P3H2: variants seen among roughly 807,000 people sequenced by gnomAD.
The protein encoded by P3H2 is prolyl 3-hydroxylase 2.
In P3H2, 80 loss-of-function variants were observed where a neutral mutation model predicts 87.0. The observed-to-expected ratio is 0.92, with a 90% CI of 0.77 to 1.11. The LOEUF (loss-of-function observed/expected upper bound fraction) is 1.11. P3H2 is among the 50% of genes least tolerant of loss of function. P3H2 has a pLI of 0.00. For synonymous variants in P3H2, 367 were observed against 359.3 expected (o/e 1.02, Z -0.24); for missense variants, 1,001 against 923.9 (o/e 1.08, Z -1.08).
intron 1 of P3H2, among the ~76,000 whole-genome samples, chr3:190,024,530 CAAAAAAAAAAAAA>C (rs71635314): frequency 7.6e-5 from 4 of 52,946 alleles, no homozygotes; most frequent in Admixed American, 2.5e-4. Flanking sequence ...GGTTCCCTCT[CAAAAAAAAAAAAA>C]AAAAAAAAAA....
chr3:190,070,098 A>G (rs1236885862), intron 1 of P3H2, among the ~76,000 whole-genome samples: 1 of 152,162 alleles, frequency 6.6e-6, no homozygotes, highest in East Asian at 1.9e-4. Context: ...ACATAGGAAA[A>G]CAGAAAAAAA....
At chr3:190,106,592 T>G (rs566866791) in intron 1 of P3H2, among the ~76,000 whole-genome samples, 1 of 152,142 alleles carries the variant, frequency 6.6e-6, no homozygotes, top group Non-Finnish European at 1.5e-5. Context: ...ATAGGTATGA[T>G]TATTGTCATT....
intron 4 of P3H2, 84 bp downstream of exon 4, chr3:189,988,813 TGAAGAAGTCA>T: frequency 6.9e-7 from 1 of 1,459,062 alleles, no homozygotes; most frequent in Non-Finnish European, 9.6e-7. Flanking sequence ...CATAATAAAC[TGAAGAAGTCA>T]GAAAACTCAA....
chr3:190,064,044 A>G (rs1476255379), intron 1 of P3H2, among the ~76,000 whole-genome samples: 1 of 143,020 alleles, frequency 7.0e-6, no homozygotes, highest in Non-Finnish European at 1.5e-5. Flanking sequence ...CAGGCTGGAG[A>G]ATAGTAGGGC....
chr3:189,958,973 G>A (rs1722724472), intron 14 of P3H2, among the ~76,000 whole-genome samples: 1 of 152,016 alleles, frequency 6.6e-6, no homozygotes, highest in East Asian at 1.9e-4. Flanking sequence ...ACAGGAGTGA[G>A]CCACTGCACC....
chr3:190,008,905 A>G (rs9853158), intron 1 of P3H2, among the ~76,000 whole-genome samples: 87,490 of 151,794 alleles, frequency 0.58, 25,466 homozygotes, highest in East Asian at 0.77. Flanking sequence ...CCTATAATTT[A>G]GGGTTAAGTA....
chr3:190,120,741 C>G lies in P3H2; in HGVS notation c.-10G>C, dbSNP rs1184293596. On this transcript the variant is annotated 5_prime_UTR_variant, in exon 1 of 15. Transcript: ENST00000319332. ...AGATGCGCTCCCGCATCCTCCGCCT[C>G]AGAGAGGCGCGGGACGGTTACGCTC... The G allele has an allele frequency of 5.9e-6, 9 of 1,518,492 alleles. No homozygotes were observed. In the East Asian group the frequency reaches 2.0e-4, roughly 34 times the overall value. The allele number at this position is 1,518,492 out of a possible 1,614,324, so 94.1% of individuals were successfully genotyped here.
chr3:189,971,337 G>A (rs1329733224), intron 12 of P3H2, among the ~76,000 whole-genome samples: 3 of 152,276 alleles, frequency 2.0e-5, no homozygotes, highest in South Asian at 2.1e-4. Flanking sequence ...TGCAGATAGC[G>A]GGTGCTTAAT....
chr3:190,042,116 G>A (rs1280390755), intron 1 of P3H2, among the ~76,000 whole-genome samples: 7 of 152,144 alleles, frequency 4.6e-5, no homozygotes, highest in Non-Finnish European at 8.8e-5. Context: ...GTAGAGGGAG[G>A]GGTGGAAGAA....
intron 1 of P3H2, among the ~76,000 whole-genome samples, chr3:190,083,044 C>T (rs1013322161): frequency 9.2e-5 from 14 of 152,168 alleles, no homozygotes; most frequent in Admixed American, 3.3e-4. Context: ...AGCTTATCTG[C>T]ATTTACCTAA....
At chr3:189,969,849 T>C in intron 13 of P3H2, 3 of 1,465,172 alleles carry the variant, frequency 2.0e-6, no homozygotes, top group Non-Finnish European at 2.9e-6. Flanking sequence ...GTGGTGGTGG[T>C]GCTTGAGGCC....
At chr3:190,007,965 C>CACACACACACATATAT in intron 1 of P3H2, among the ~76,000 whole-genome samples, 1 of 94,344 alleles carries the variant, frequency 1.1e-5, no homozygotes, top group Admixed American at 1.1e-4. Flanking sequence ...TGTTGACACA[C>CACACACACACATATAT]ATATATATAT....
intron 1 of P3H2, among the ~76,000 whole-genome samples, chr3:190,084,678 C>T (rs903965816): frequency 1.3e-5 from 2 of 152,062 alleles, no homozygotes; most frequent in East Asian, 1.9e-4. Flanking sequence ...ACCAACTCTG[C>T]GAAATGCCTT....
intron 12 of P3H2, 191 bp downstream of exon 12, chr3:189,971,699 C>A: frequency 1.7e-6 from 1 of 582,728 alleles, no homozygotes; most frequent in Non-Finnish European, 3.1e-6. Context: ...GCAAACTGTG[C>A]ACAATTTTTA....
At chr3:190,119,851 CAAA>C (rs1306688282) in intron 1 of P3H2, among the ~76,000 whole-genome samples, 1,752 of 150,452 alleles carry the variant, frequency 0.012, 15 homozygotes, top group East Asian at 0.027. Flanking sequence ...AGAGAGGAGA[CAAA>C]AGAAATGGGA....
At chr3:190,066,666 T>TA (rs1392399382) in intron 1 of P3H2, among the ~76,000 whole-genome samples, 2 of 152,044 alleles carry the variant, frequency 1.3e-5, no homozygotes, top group Non-Finnish European at 2.9e-5. Flanking sequence ...GAATGCAATA[T>TA]AAAAAAAGTT....
At chr3:190,098,787 C>T (rs1324610118) in intron 1 of P3H2, among the ~76,000 whole-genome samples, 2 of 152,124 alleles carry the variant, frequency 1.3e-5, no homozygotes, top group Admixed American at 6.5e-5. Context: ...AGGTGTATTT[C>T]GCAGAATTAA....
intron 13 of P3H2, chr3:189,969,042 C>A: frequency 3.6e-6 from 1 of 280,468 alleles, no homozygotes; most frequent in Non-Finnish European, 6.7e-6. Flanking sequence ...AAACAGAAAA[C>A]TGGGCTATAT....
Position 190,031,266 on chromosome 3 carries a change from C to T in P3H2, c.481-35824G>A, listed in dbSNP as rs113269585. ...AAAAATGTCATTCAACATGCATATA[C>T]ATAAAATGAAGAAAAATAAGACCAA... On this transcript the variant is annotated intron_variant, in intron 1 of 14. Transcript: ENST00000319332. Among the ~76,000 whole-genome samples, 1,506 of 152,158 alleles carry T rather than the reference C, an allele frequency of 9.9e-3. 22 individuals carry two copies. The highest frequency in any genetic ancestry group is 0.033 in the African/African-American group (1,386 of 41,520).
Sources: gnomAD v4.1 joint callset for allele counts (sites outside exome capture counted in the v4.1 genomes callset) on GRCh38, gnomAD v4.1.1 for gene constraint, MANE v1.5 for transcripts, NCBI Gene and HGNC (gene_info 2026-07-23, HGNC 2026-07-21) for gene names.